STOX2: variants seen among roughly 807,000 people sequenced by gnomAD.
The protein encoded by STOX2 is storkhead box 2, also known as storkhead-box protein 2.
In STOX2, 28 loss-of-function variants were observed where a neutral mutation model predicts 60.9. The observed-to-expected ratio is 0.46, with a 90% CI of 0.34 to 0.63. STOX2 has a LOEUF of 0.63. Ranked by LOEUF, STOX2 falls within the 30% of genes least tolerant of loss-of-function variation. The probability of loss-of-function intolerance (pLI) is 0.01; values close to 1 mark genes in which losing one functional copy is unlikely to be tolerated. For missense variants in STOX2, 1,024 were observed against 1,187.7 expected (o/e 0.86, Z 2.03); for synonymous variants, 472 against 463.9 (o/e 1.02, Z -0.22).
rs1391374441 is a variant in STOX2, at chr4:183,856,233, GC to G, written c.364+58182del. Among the ~76,000 whole-genome samples, 1 of 151,956 alleles carries G rather than the reference GC, an allele frequency of 6.6e-6. No individual in the cohort carries two copies. Among genetic ancestry groups the G allele is most frequent in the Non-Finnish European group, 1.5e-5 (1 of 68,010 alleles). ...ACCCAAGAGTCCAGAAAGGCTCACG[GC>G]CCCTTTCACACATGTCGACATTACT... is the stretch of plus-strand genomic sequence containing the variant. On this transcript the variant is annotated intron_variant, in intron 1 of 2. Coordinates refer to the STOX2 transcript ENST00000513034. This position sits in a 1 kb window ranked among gnomAD's most constrained non-coding sequence, Gnocchi z 4.0.
chr4:183,862,551 T>G (rs1429309146), intron 1 of STOX2, among the ~76,000 whole-genome samples: 1 of 152,188 alleles, frequency 6.6e-6, no homozygotes, highest in Non-Finnish European at 1.5e-5. Flanking sequence ...GGAAGGCCCT[T>G]CTGAAGAAGT....
chr4:183,863,604 C>T (rs553332154), intron 1 of STOX2, among the ~76,000 whole-genome samples: 3 of 152,246 alleles, frequency 2.0e-5, no homozygotes, highest in South Asian at 2.1e-4. Flanking sequence ...ATTAGTATTG[C>T]GTGACGATTG....
intron 1 of STOX2, among the ~76,000 whole-genome samples, chr4:183,922,087 T>C (rs1383821323): frequency 6.6e-6 from 1 of 152,194 alleles, no homozygotes; most frequent in African/African-American, 2.4e-5. Context: ...CTGGGAGAGA[T>C]TTGATTAGTA....
chr4:183,929,703 T>G (rs1283248554), intron 1 of STOX2, among the ~76,000 whole-genome samples: 1 of 152,162 alleles, frequency 6.6e-6, no homozygotes, highest in Admixed American at 6.5e-5. Flanking sequence ...AAAAGGACCA[T>G]TTAGCAGTAT....
chr4:183,916,724 A>G (rs1210368633), intron 1 of STOX2, among the ~76,000 whole-genome samples: 1 of 152,222 alleles, frequency 6.6e-6, no homozygotes, highest in Non-Finnish European at 1.5e-5. Flanking sequence ...TTGTCACTTC[A>G]AAGTATTGAT....
intron 1 of STOX2, among the ~76,000 whole-genome samples, chr4:183,969,081 G>C (rs6835995): frequency 0.34 from 51,510 of 152,184 alleles, 10,394 homozygotes; most frequent in East Asian, 0.56. Flanking sequence ...CAGTTTTGCT[G>C]TTCCTGTGAG....
rs911859686 is a variant in STOX2, at chr4:184,021,860, A to T, written c.*4576A>T. 1.3e-5 allele frequency: 2 copies of T among 152,298 alleles called. No individual in the cohort carries two copies. The highest frequency in any genetic ancestry group is 1.9e-4 in the East Asian group (1 of 5,190). The allele number at this position is 152,298 out of a possible 1,614,324, so 9.4% of individuals were successfully genotyped here. A position where few individuals can be genotyped will look rare whatever the true frequency, so the allele number is the denominator to read the frequency against. On this transcript the variant is annotated 3_prime_UTR_variant, in exon 4 of 4. Transcript: ENST00000308497. ...GGGATCTCCTCCGTCACCACAGGCC[A>T]GTCACAGAACCAACTAGCCACGTGC...
At chr4:183,898,203 G>T (rs976320072) in intron 1 of STOX2, among the ~76,000 whole-genome samples, 1 of 152,126 alleles carries the variant, frequency 6.6e-6, no homozygotes, top group Non-Finnish European at 1.5e-5. Flanking sequence ...CGGGCCTTCA[G>T]GAGATAGGAA....
At chr4:183,875,435 G>C (rs1181488375) in intron 1 of STOX2, among the ~76,000 whole-genome samples, 1 of 152,152 alleles carries the variant, frequency 6.6e-6, no homozygotes, top group Non-Finnish European at 1.5e-5. Context: ...TTTCTAGGGA[G>C]AGTCTGTGTT....
intron 1 of STOX2, among the ~76,000 whole-genome samples, chr4:183,908,965 A>T (rs866242189): frequency 2.0e-5 from 3 of 152,196 alleles, no homozygotes; most frequent in African/African-American, 7.2e-5. Context: ...ATAGGGTTGG[A>T]TATAATACGG....
Position 183,910,076 on chromosome 4 carries a change from A to G in STOX2, c.166+3120A>G, listed in dbSNP as rs1158897064. Among the ~76,000 whole-genome samples the G allele has an allele frequency of 5.9e-5, 9 of 152,368 alleles. No individual in the cohort carries two copies. The East Asian group carries it at 1.7e-3, about 29-fold the overall frequency. ...GAGCTTCCTAGCAACCAGTAAGTTC[A>G]CAGGCCATGAGATGACTTCATTGTT... On this transcript the variant is annotated intron_variant, in intron 1 of 3. Transcript: ENST00000308497.
intron 1 of STOX2, among the ~76,000 whole-genome samples, chr4:183,816,875 T>G (rs578140822): frequency 6.6e-6 from 1 of 152,240 alleles, no homozygotes; most frequent in Non-Finnish European, 1.5e-5. Flanking sequence ...CTGCCAAAAC[T>G]TCTTTGCAGA....
chr4:183,810,496 A>T (rs1429168106), intron 1 of STOX2, among the ~76,000 whole-genome samples: 1 of 152,188 alleles, frequency 6.6e-6, no homozygotes, highest in African/African-American at 2.4e-5. Flanking sequence ...GCTGGGTGGA[A>T]GTCAGTGGCT....
chr4:183,877,805 C>T (rs923337422), intron 1 of STOX2, among the ~76,000 whole-genome samples: 7 of 152,144 alleles, frequency 4.6e-5, no homozygotes, highest in Non-Finnish European at 1.0e-4. Context: ...CTCAGCCTCC[C>T]AAGTAGCTGG....
intron 1 of STOX2, among the ~76,000 whole-genome samples, chr4:183,893,374 A>T (rs1465260053): frequency 6.6e-6 from 1 of 152,152 alleles, no homozygotes; most frequent in Non-Finnish European, 1.5e-5. Flanking sequence ...CTCCACATGA[A>T]GTGCTGGCAC....
intron 1 of STOX2, among the ~76,000 whole-genome samples, chr4:183,952,210 G>A (rs888261149): frequency 1.3e-5 from 2 of 152,158 alleles, no homozygotes; most frequent in African/African-American, 4.8e-5. Context: ...GAACCCACAT[G>A]CTACTTTTTT....
chr4:183,836,159 TAGCCTTTGGAGAAATGTCTGTTC>T lies in STOX2; in HGVS notation c.364+38106_364+38128del, dbSNP rs1739703396. Among the ~76,000 whole-genome samples the T allele has an allele frequency of 6.6e-6, 1 of 152,222 alleles. No individual in the cohort carries two copies. The highest frequency in any genetic ancestry group is 2.1e-4 in the South Asian group (1 of 4,834). On this transcript the variant is annotated intron_variant, in intron 1 of 2. Transcript: ENST00000513034. The surrounding 1 kb of genome is among the most constrained non-coding windows in gnomAD (Gnocchi z 4.1). ...TCATGTGCTTTTTGGCTGTTTATCA[TAGCCTTTGGAGAAATGTCTGTTC>T]AAATCCTTTGCCCATTGTGAGAGTC...
At position 183,836,130 on chromosome 4, in the gene STOX2, C is replaced by G. The variant is rs1739702413; in HGVS notation, c.364+38075C>G. 1.3e-5 allele frequency among the ~76,000 whole-genome samples: 2 copies of G among 152,140 alleles called. No homozygotes were observed. The highest frequency in any genetic ancestry group is 6.5e-5 in the Admixed American group (1 of 15,278). On this transcript the variant is annotated intron_variant, in intron 1 of 2. Transcript: ENST00000513034. This position sits in a 1 kb window ranked among gnomAD's most constrained non-coding sequence, Gnocchi z 4.1. ...CCTGGTGACTAATGATGTTGAACGT[C>G]TTTTCATGTGCTTTTTGGCTGTTTA...
intron 1 of STOX2, among the ~76,000 whole-genome samples, chr4:183,826,488 G>GT (rs1447378411): frequency 6.6e-6 from 1 of 152,222 alleles, no homozygotes; most frequent in Non-Finnish European, 1.5e-5. Context: ...TCCCTGCTGA[G>GT]TAAGTGTAAC....
Sources: gnomAD v4.1 joint callset for allele counts (sites outside exome capture counted in the v4.1 genomes callset) on GRCh38, gnomAD v4.1.1 for gene constraint, Gnocchi (gnomAD v3.1) non-coding constraint, MANE v1.5 for transcripts, NCBI Gene and HGNC (gene_info 2026-07-23, HGNC 2026-07-21) for gene names.